ROBO2: variants seen among roughly 807,000 people sequenced by gnomAD.
ROBO2 encodes roundabout homolog 2.
ROBO2 carries 53 observed loss-of-function variants against 160.8 expected under a neutral mutation model. That is an observed-to-expected ratio of 0.33 (90% CI 0.26 to 0.41). The LOEUF (loss-of-function observed/expected upper bound fraction) is 0.41, where lower values mean the gene tolerates loss of function less well. ROBO2 is among the 10% of genes least tolerant of loss of function. ROBO2 has a pLI of 1.00. For synonymous variants in ROBO2, 664 were observed against 611.7 expected (o/e 1.09, Z -1.26); for missense variants, 1,577 against 1,722.4 (o/e 0.92, Z 1.49).
At chr3:77,456,561 A>AAAAAG (rs1260614671) in intron 2 of ROBO2, among the ~76,000 whole-genome samples, 2 of 152,234 alleles carry the variant, frequency 1.3e-5, no homozygotes, top group African/African-American at 2.4e-5. Context: ...TGGCGAATCC[A>AAAAAG]AAAAGAAAAG....
chr3:76,033,521 A>G (rs1171196036), intron 2 of ROBO2, among the ~76,000 whole-genome samples: 8 of 152,188 alleles, frequency 5.3e-5, no homozygotes, highest in African/African-American at 1.9e-4. Flanking sequence ...TCTACATGGC[A>G]TCATGGTCTG....
chr3:76,310,648 C>T (rs2071535322), intron 2 of ROBO2, among the ~76,000 whole-genome samples: 1 of 152,208 alleles, frequency 6.6e-6, no homozygotes, highest in African/African-American at 2.4e-5. Context: ...CTGAGTCTTC[C>T]TCTGCTACAT....
At chr3:77,464,251 A>G (rs1023943072) in intron 2 of ROBO2, among the ~76,000 whole-genome samples, 3 of 152,326 alleles carry the variant, frequency 2.0e-5, no homozygotes, top group South Asian at 2.1e-4. Flanking sequence ...GACTAAGCCC[A>G]TTATCTTTAC....
chr3:76,122,796 G>T (rs921926837), intron 2 of ROBO2, among the ~76,000 whole-genome samples: 2 of 152,050 alleles, frequency 1.3e-5, no homozygotes, highest in African/African-American at 4.8e-5. Context: ...ATTCATTTGT[G>T]CAATGTGATT....
chr3:76,753,876 T>A (rs780972067), intron 2 of ROBO2, among the ~76,000 whole-genome samples: 36 of 151,900 alleles, frequency 2.4e-4, no homozygotes, highest in Non-Finnish European at 5.0e-4. Context: ...AAATTTAGCT[T>A]GGTGAACATT....
At chr3:76,026,290 G>C (rs2066742992) in intron 2 of ROBO2, among the ~76,000 whole-genome samples, 1 of 151,806 alleles carries the variant, frequency 6.6e-6, no homozygotes, top group South Asian at 2.1e-4. Context: ...GTCTATGCAA[G>C]GCATTGAAAA....
intron 2 of ROBO2, among the ~76,000 whole-genome samples, chr3:76,039,401 G>A (rs912612182): frequency 3.9e-5 from 6 of 151,968 alleles, no homozygotes; most frequent in Non-Finnish European, 8.8e-5. Flanking sequence ...ACAAATGTAG[G>A]CAATCACATA....
chr3:76,985,514 G>A (rs939096944), intron 2 of ROBO2, among the ~76,000 whole-genome samples: 7 of 145,884 alleles, frequency 4.8e-5, no homozygotes, highest in East Asian at 2.0e-4. Context: ...CCCAGGAGGC[G>A]GAGCTTGCAG....
intron 4 of ROBO2, among the ~76,000 whole-genome samples, chr3:77,492,045 C>T (rs998410273): frequency 4.6e-5 from 7 of 151,900 alleles, no homozygotes; most frequent in South Asian, 2.1e-4. Context: ...GGTTTCCTGC[C>T]GAATACATTT....
At chr3:76,799,168 G>A (rs1231327281) in intron 2 of ROBO2, among the ~76,000 whole-genome samples, 1 of 151,178 alleles carries the variant, frequency 6.6e-6, no homozygotes, top group African/African-American at 2.4e-5. Flanking sequence ...GAGCCGAGAT[G>A]GCGCCACTGC....
intron 2 of ROBO2, among the ~76,000 whole-genome samples, chr3:77,405,302 G>A (rs1280000251): frequency 2.0e-5 from 3 of 152,098 alleles, no homozygotes; most frequent in Non-Finnish European, 4.4e-5. Context: ...CAGTAAAAAT[G>A]TAGAGAATAT....
intron 6 of ROBO2, among the ~76,000 whole-genome samples, chr3:77,524,493 T>C (rs1359824667): frequency 6.6e-6 from 1 of 151,340 alleles, no homozygotes; most frequent in African/African-American, 2.4e-5. Context: ...AAAATAATAA[T>C]AAACAACCAA....
chr3:77,154,085 T>C (rs1411405243), intron 2 of ROBO2, among the ~76,000 whole-genome samples: 1 of 152,028 alleles, frequency 6.6e-6, no homozygotes, highest in African/African-American at 2.4e-5. Flanking sequence ...CAGTTTCTTC[T>C]TAATAGACTG....
intron 2 of ROBO2, among the ~76,000 whole-genome samples, chr3:76,358,984 CATT>C (rs1171065117): frequency 4.3e-5 from 6 of 138,790 alleles, no homozygotes; most frequent in Non-Finnish European, 7.6e-5. Context: ...CATGTGTTCT[CATT>C]GTTCAATTCC....
intron 2 of ROBO2, among the ~76,000 whole-genome samples, chr3:75,995,014 G>A (rs1245745844): frequency 1.3e-5 from 2 of 152,198 alleles, no homozygotes; most frequent in African/African-American, 4.8e-5. Flanking sequence ...CAGATATCTG[G>A]CAGAAGAAAT....
chr3:76,157,357 G>C (rs1559599926), intron 2 of ROBO2, among the ~76,000 whole-genome samples: 1 of 152,090 alleles, frequency 6.6e-6, no homozygotes, highest in Non-Finnish European at 1.5e-5. Flanking sequence ...TGGCCGGGAA[G>C]CAGACTAAGT....
intron 2 of ROBO2, among the ~76,000 whole-genome samples, chr3:77,260,657 A>C (rs2058715691): frequency 6.6e-6 from 1 of 152,208 alleles, no homozygotes; most frequent in African/African-American, 2.4e-5. Context: ...CTGAGAGTTT[A>C]AATGACTTAT....
At chr3:76,029,064 G>A (rs761502672) in intron 2 of ROBO2, among the ~76,000 whole-genome samples, 2 of 151,532 alleles carry the variant, frequency 1.3e-5, no homozygotes, top group Non-Finnish European at 2.9e-5. Context: ...AGAAGCATCT[G>A]AAAAAAAAGA....
At chr3:76,032,985 A>G (rs1210411756) in intron 2 of ROBO2, among the ~76,000 whole-genome samples, 1 of 152,166 alleles carries the variant, frequency 6.6e-6, no homozygotes, top group Non-Finnish European at 1.5e-5. Flanking sequence ...ATACTAAAGA[A>G]CTTTTATGTT....
Sources: allele counts gnomAD v4.1 joint callset (sites outside exome capture counted in the v4.1 genomes callset), GRCh38; gene constraint gnomAD v4.1.1; transcripts MANE v1.5; gene names NCBI Gene and HGNC (gene_info 2026-07-23, HGNC 2026-07-21).